The following KCNS3 variants were observed in gnomAD, a reference collection of about 807,000 sequenced individuals.
KCNS3 encodes the protein delayed-rectifier potassium channel regulatory subunit KCNS3.
In KCNS3, 13 loss-of-function variants were observed where a neutral mutation model predicts 31.0. That is an observed-to-expected ratio of 0.42 (90% CI 0.27 to 0.67). The LOEUF is 0.67. KCNS3 is among the 30% of genes least tolerant of loss of function. The pLI, the probability that KCNS3 is intolerant of heterozygous loss-of-function variation, is 0.25. For missense variants in KCNS3, 545 were observed against 622.4 expected, an observed-to-expected ratio of 0.88 and a Z score of 1.32; for synonymous variants, 238 against 241.5, an observed-to-expected ratio of 0.99 and a Z score of 0.13.
rs35102585 is a variant in KCNS3 at position 17,888,629 on chromosome 2, G to GTATATCTATCTATC, written c.-252+9828_-252+9829insCTATCTATCTATAT. 1.2e-4 allele frequency among the ~76,000 whole-genome samples: 11 copies of GTATATCTATCTATC among 92,408 alleles called. No homozygotes were observed. In the Admixed American group the frequency reaches 1.3e-3, roughly 11 times the overall value. The allele number at this position is 92,408 out of a possible 152,430, so 60.6% of individuals were successfully genotyped here. A position where few individuals can be genotyped will look rare whatever the true frequency, so the allele number is the denominator to read the frequency against. Reference sequence around the variant, plus strand: ...GAACTTAAAGTATAATAAAAAAAATGTATATATATATATATATATATATAT... The same window carrying GTATATCTATCTATC: ...GAACTTAAAGTATAATAAAAAAAATGTATATCTATCTATCTATATATATATATATATATATATAT... On this transcript the variant is annotated intron_variant, in intron 1 of 2. Coordinates refer to ENST00000304101, the MANE Select transcript of KCNS3 (RefSeq NM_002252.5).
At chr2:17,892,041 C>T (rs1005374162) in intron 1 of KCNS3, among the ~76,000 whole-genome samples, 1 of 152,140 alleles carries the variant, frequency 6.6e-6, no homozygotes, top group African/African-American at 2.4e-5. Flanking sequence ...TTAGAATTCT[C>T]TTCTTCCTCA....
At chr2:17,906,924 ATGTATGTTC>A (rs1165376257) in intron 1 of KCNS3, among the ~76,000 whole-genome samples, 1 of 152,194 alleles carries the variant, frequency 6.6e-6, no homozygotes, top group African/African-American at 2.4e-5. Flanking sequence ...GCTGCGAAGA[ATGTATGTTC>A]TGTTGATATG....
intron 1 of KCNS3, among the ~76,000 whole-genome samples, chr2:17,916,223 A>C (rs1662582842): frequency 6.6e-6 from 1 of 152,178 alleles, no homozygotes; most frequent in Non-Finnish European, 1.5e-5. Flanking sequence ...TCTGATAGGG[A>C]AAGGAAAACT....
intron 1 of KCNS3, among the ~76,000 whole-genome samples, chr2:17,903,369 G>A (rs1208092110): frequency 1.3e-5 from 2 of 152,152 alleles, no homozygotes; most frequent in African/African-American, 4.8e-5. Context: ...ATATGTCTAA[G>A]TATATTTTTG....
intron 1 of KCNS3, among the ~76,000 whole-genome samples, chr2:17,904,832 T>C (rs1336401611): frequency 5.7e-4 from 86 of 152,194 alleles, no homozygotes; most frequent in Non-Finnish European, 1.0e-3. Flanking sequence ...TCTGTTTTGG[T>C]ACCAGTACCA....
chr2:17,926,402 C>T (rs191542584), intron 2 of KCNS3, among the ~76,000 whole-genome samples: 9 of 152,362 alleles, frequency 5.9e-5, no homozygotes, highest in Admixed American at 1.3e-4. Flanking sequence ...AATGGGGACT[C>T]TGCGTGGGAT....
intron 1 of KCNS3, among the ~76,000 whole-genome samples, chr2:17,886,395 G>A (rs909267107): frequency 6.6e-6 from 1 of 152,114 alleles, no homozygotes; most frequent in Non-Finnish European, 1.5e-5. Context: ...TTGTAGCAAA[G>A]GCATTTCATT....
intron 1 of KCNS3, among the ~76,000 whole-genome samples, chr2:17,890,181 T>G (rs1661811445): frequency 6.6e-6 from 1 of 152,194 alleles, no homozygotes; most frequent in South Asian, 2.1e-4. Context: ...AATTTATCCA[T>G]CTCTTCTATG....
At chr2:17,882,577 C>T (rs13021599) in intron 1 of KCNS3, among the ~76,000 whole-genome samples, 58,028 of 151,958 alleles carry the variant, frequency 0.38, 12,894 homozygotes, top group Non-Finnish European at 0.52. Context: ...TGGACCTGGC[C>T]TTTGCTTGCT....
chr2:17,932,390 T>C lies in KCNS3; in HGVS notation c.1382T>C (p.Val461Ala). Residue 461 changes from valine (V) to alanine (A), a missense_variant, in exon 3 of 3, where the codon GTG becomes GCG. Val to Ala is a moderately conservative substitution (Grantham distance 64). Transcript: ENST00000304101. Reference protein sequence around the residue: ...FITSLSSVGIVVSDPDSTDAS... With the variant: ...FITSLSSVGIAVSDPDSTDAS... Reference sequence around the variant, plus strand: ...ACCAGTCTCTCTTCTGTAGGCATTGTGGTGAGCGATCCTGACTCCACAGAT... The same window carrying C: ...ACCAGTCTCTCTTCTGTAGGCATTGCGGTGAGCGATCCTGACTCCACAGAT... 1.2e-6 allele frequency: 2 copies of C among 1,614,104 alleles called. No homozygotes were observed. Among genetic ancestry groups the C allele is most frequent in the South Asian group, 1.1e-5 (1 of 91,076 alleles).
At position 17,931,188 on chromosome 2, in the gene KCNS3, C is replaced by T. The variant is rs188714292; in HGVS notation, c.180C>T (p.Tyr60=). ...CCATTCTGGAGCTGTGTGATGATTA[C>T]AGTGTGGCCGATAAGGAGTACTACT... ...EEAILELCDD[Y]SVADKEYYFD... is the part of the protein sequence containing the mutation. The change falls in exon 3 of 3, where the codon TAC becomes TAT. Residue 60 remains tyrosine, a synonymous_variant. Coordinates refer to ENST00000304101, the MANE Select transcript of KCNS3 (RefSeq NM_002252.5). This position sits in a 1 kb window ranked among gnomAD's most constrained non-coding sequence, Gnocchi z 5.4. The T allele has an allele frequency of 6.2e-7, 1 of 1,614,110 alleles. No individual in the cohort carries two copies. The highest frequency in any genetic ancestry group is 2.2e-5 in the East Asian group (1 of 44,880).
chr2:17,888,637 A>ATATATATATC lies in KCNS3; in HGVS notation c.-252+9840_-252+9841insCTATATATAT, dbSNP rs1558446970. Among the ~76,000 whole-genome samples, 213 of 70,730 alleles carry ATATATATATC rather than the reference A, an allele frequency of 3.0e-3. 4 individuals are homozygous for ATATATATATC. Among genetic ancestry groups the ATATATATATC allele is most frequent in the Non-Finnish European group, 7.0e-3 (184 of 26,406 alleles). 46.4% of individuals were successfully genotyped at this position (70,730 alleles called of 152,430 possible). On this transcript the variant is annotated intron_variant, in intron 1 of 2. Coordinates refer to ENST00000304101, the MANE Select transcript of KCNS3 (RefSeq NM_002252.5). ...AGTATAATAAAAAAAATGTATATAT[A>ATATATATATC]TATATATATATATATATATATATAT... is the stretch of plus-strand genomic sequence containing the variant.
chr2:17,901,431 C>G (rs1348143914), intron 1 of KCNS3, among the ~76,000 whole-genome samples: 1 of 152,076 alleles, frequency 6.6e-6, no homozygotes, highest in Non-Finnish European at 1.5e-5. Flanking sequence ...AAAGGAGGAG[C>G]CTAGGATGAT....
intron 1 of KCNS3, among the ~76,000 whole-genome samples, chr2:17,892,899 T>G (rs548143855): frequency 1.3e-5 from 2 of 152,340 alleles, no homozygotes; most frequent in South Asian, 4.1e-4. Flanking sequence ...CTCTATTTTT[T>G]TACTGGTTGG....
chr2:17,895,457 T>G (rs948204471), intron 1 of KCNS3, among the ~76,000 whole-genome samples: 2 of 152,176 alleles, frequency 1.3e-5, no homozygotes, highest in Admixed American at 6.5e-5. Context: ...AATCACCATG[T>G]CCTGGAGTCC....
At chr2:17,905,074 G>T (rs1167182142) in intron 1 of KCNS3, among the ~76,000 whole-genome samples, 1 of 152,192 alleles carries the variant, frequency 6.6e-6, no homozygotes, top group Non-Finnish European at 1.5e-5. Flanking sequence ...TCACAATAAT[G>T]ATTCTTCCTA....
At chr2:17,899,950 TGTGTCA>T (rs942697883) in intron 1 of KCNS3, among the ~76,000 whole-genome samples, 1 of 152,234 alleles carries the variant, frequency 6.6e-6, no homozygotes, top group Non-Finnish European at 1.5e-5. Context: ...ATGAGCCTGC[TGTGTCA>T]GGACAGACAA....
intron 1 of KCNS3, among the ~76,000 whole-genome samples, chr2:17,888,025 GT>G (rs138099414): frequency 1.3e-5 from 2 of 151,244 alleles, no homozygotes; most frequent in African/African-American, 4.9e-5. Flanking sequence ...GGGATTTTTT[GT>G]TTTTTTTGTG....
rs70964021 is a variant in KCNS3, at chr2:17,888,629, G to GTA, written c.-252+9866_-252+9867dup. Among the ~76,000 whole-genome samples the GTA allele has an allele frequency of 8.3e-3, 764 of 92,036 alleles. 3 individuals are homozygous for GTA. Among genetic ancestry groups the GTA allele is most frequent in the East Asian group, 0.015 (28 of 1,840 alleles). 60.4% of individuals were successfully genotyped at this position (92,036 alleles called of 152,430 possible). On this transcript the variant is annotated intron_variant, in intron 1 of 2. Coordinates refer to ENST00000304101, the MANE Select transcript of KCNS3 (RefSeq NM_002252.5). ...GAACTTAAAGTATAATAAAAAAAAT[G>GTA]TATATATATATATATATATATATAT... is the stretch of plus-strand genomic sequence containing the variant.
Sources: gnomAD v4.1 joint callset for allele counts (sites outside exome capture counted in the v4.1 genomes callset) on GRCh38, gnomAD v4.1.1 for gene constraint, Gnocchi (gnomAD v3.1) non-coding constraint, MANE v1.5 for transcripts, NCBI Gene and HGNC (gene_info 2026-07-23, HGNC 2026-07-21) for gene names.